Variants in KRAS observed in about 807,000 individuals in gnomAD.
KRAS encodes KRas proto-oncogene, GTPase, also known as GTPase KRas.
Under a neutral mutation model 21.0 loss-of-function variants are expected in KRAS, and 1 was observed. The ratio of observed to expected loss-of-function variants is 0.05; its 90% CI spans 0.02 to 0.23. The LOEUF is 0.23. Ranked by LOEUF, KRAS falls within the 10% of genes least tolerant of loss-of-function variation. The pLI is 1.00. For synonymous variants in KRAS, 67 were observed against 72.5 expected, an observed-to-expected ratio of 0.92 and a Z score of 0.39; for missense variants, 107 against 221.8, an observed-to-expected ratio of 0.48 and a Z score of 3.29.
rs1208279226 is a variant in KRAS, at chr12:25,208,346, G to A, written c.*1449C>T. The A allele has an allele frequency of 4.3e-6, 1 of 232,734 alleles. No individual in the cohort carries two copies. The highest frequency in any genetic ancestry group is 2.2e-5 in the African/African-American group (1 of 45,228). 14.4% of individuals were successfully genotyped at this position (232,734 alleles called of 1,614,324 possible). A position where few individuals can be genotyped will look rare whatever the true frequency, so the allele number is the denominator to read the frequency against. On this transcript the variant is annotated 3_prime_UTR_variant, in exon 5 of 5. Coordinates refer to ENST00000311936, the MANE Select transcript of KRAS (RefSeq NM_004985.5). ...TCTCACTTCATTTATTTTAAAATAA[G>A]TAACATTTTAAATTTATCAAAAGGA...
At chr12:25,234,112 C>T (rs1951513359) in intron 2 of KRAS, 1 of 174,878 alleles carries the variant, frequency 5.7e-6, no homozygotes, top group South Asian at 2.0e-4. Context: ...TTTATCAAGA[C>T]AATGAAGCTG....
At chr12:25,242,970 T>C (rs1555195417) in intron 2 of KRAS, among the ~76,000 whole-genome samples, 2 of 152,152 alleles carry the variant, frequency 1.3e-5, no homozygotes, top group Non-Finnish European at 2.9e-5. Flanking sequence ...CACCAAAAAA[T>C]ACAGTATTAC....
At position 25,250,917 on chromosome 12, in the gene KRAS, G is replaced by T. The variant is rs190218019; in HGVS notation, c.-178C>A. ...CCGCCGCTGCTGCCTCCGCCGCCGC[G>T]GCCGCCGCCTAGGAAAATCGAGCTC... On this transcript the variant is annotated 5_prime_UTR_variant, in exon 1 of 5. Transcript: ENST00000311936. The T allele has an allele frequency of 1.8e-3, 451 of 250,866 alleles. 1 individual carries two copies. Among genetic ancestry groups the T allele is most frequent in the African/African-American group, 9.2e-3 (411 of 44,784 alleles). 15.5% of individuals were successfully genotyped at this position (250,866 alleles called of 1,614,324 possible). A position where few individuals can be genotyped will look rare whatever the true frequency, so the allele number is the denominator to read the frequency against.
rs146105632 is a variant in KRAS, at chr12:25,223,920, G to C, written c.450+1694C>G. Reference sequence around the variant, plus strand: ...TAAACAAATTGATGGAATATAGATGGATCAATTTCTTAGTACAGTCATGTA... The same window carrying C: ...TAAACAAATTGATGGAATATAGATGCATCAATTTCTTAGTACAGTCATGTA... On this transcript the variant is annotated intron_variant, in intron 4 of 4. Coordinates refer to ENST00000311936, the MANE Select transcript of KRAS (RefSeq NM_004985.5). 2.5e-3 allele frequency among the ~76,000 whole-genome samples: 376 copies of C among 152,122 alleles called. 3 individuals carry two copies. Among genetic ancestry groups the C allele is most frequent in the African/African-American group, 8.3e-3 (343 of 41,530 alleles).
rs34361223 is a variant in KRAS at position 25,231,092 on chromosome 12, CTTTTTTTTTTTTTT to C, written c.112-3694_112-3681del. ...CTACCTATTGCTGCCACCTCACATTCTTTTTTTTTTTTTTTTTTTTTTTTTTTGAGATGGAGTCT... is the reference window on the plus strand; with the variant it reads ...CTACCTATTGCTGCCACCTCACATTCTTTTTTTTTTTTTGAGATGGAGTCT... On this transcript the variant is annotated intron_variant, in intron 2 of 4. Transcript: ENST00000311936. Among the ~76,000 whole-genome samples the C allele has an allele frequency of 6.5e-3, 429 of 66,414 alleles. 8 individuals carry two copies. The highest frequency in any genetic ancestry group is 0.023 in the African/African-American group (407 of 17,562). The allele number at this position is 66,414 out of a possible 152,430, so 43.6% of individuals were successfully genotyped here.
At chr12:25,224,749 A>T (rs1365879233) in intron 4 of KRAS, among the ~76,000 whole-genome samples, 1 of 152,116 alleles carries the variant, frequency 6.6e-6, no homozygotes, top group Admixed American at 6.5e-5. Context: ...GGGGCAAGAG[A>T]CTATACTACA....
intron 1 of KRAS, 65 bp downstream of exon 1, chr12:25,250,686 G>A: frequency 6.7e-6 from 1 of 148,676 alleles, no homozygotes; most frequent in East Asian, 1.9e-4. Flanking sequence ...CGCCGGCCCC[G>A]CCCGGCGCCG....
intron 2 of KRAS, among the ~76,000 whole-genome samples, chr12:25,238,571 C>T (rs926970248): frequency 3.3e-5 from 5 of 152,230 alleles, no homozygotes; most frequent in African/African-American, 1.2e-4. Context: ...CGAGTATTTA[C>T]TTTTCCCCCA....
At chr12:25,234,135 T>C (rs1423860841) in intron 2 of KRAS, 1 of 170,908 alleles carries the variant, frequency 5.9e-6, no homozygotes, top group Non-Finnish European at 1.3e-5. Flanking sequence ...AATTTTTAAA[T>C]TACAATATAT....
intron 2 of KRAS, among the ~76,000 whole-genome samples, chr12:25,237,098 A>C (rs572164621): frequency 6.6e-6 from 1 of 152,358 alleles, no homozygotes; most frequent in East Asian, 1.9e-4. Context: ...GCAAAAACAT[A>C]GACGAACTCT....
intron 4 of KRAS, among the ~76,000 whole-genome samples, chr12:25,210,423 C>T (rs1317317200): frequency 6.6e-6 from 1 of 152,062 alleles, no homozygotes; most frequent in Admixed American, 6.5e-5. Context: ...AAACAGTATT[C>T]GAACATCCTA....
intron 2 of KRAS, among the ~76,000 whole-genome samples, chr12:25,232,855 A>G (rs889955626): frequency 6.6e-6 from 1 of 152,360 alleles, no homozygotes; most frequent in Admixed American, 6.5e-5. Context: ...CTGGTGACAT[A>G]ATAAGCACAA....
At chr12:25,217,989 T>C (rs1010180438) in intron 4 of KRAS, among the ~76,000 whole-genome samples, 2 of 152,222 alleles carry the variant, frequency 1.3e-5, no homozygotes, top group African/African-American at 4.8e-5. Context: ...GAAAAAATTA[T>C]GTATCCAAAA....
intron 4 of KRAS, 124 bp downstream of exon 4, chr12:25,225,490 A>G: frequency 9.8e-7 from 1 of 1,021,580 alleles, no homozygotes; most frequent in Non-Finnish European, 1.5e-6. Flanking sequence ...AGAGACAAAA[A>G]CATTTACTAA....
chr12:25,227,488 C>A (rs2141510928), intron 2 of KRAS, 76 bp from the exon 3 acceptor site: 2 of 1,346,306 alleles, frequency 1.5e-6, no homozygotes, highest in Non-Finnish European at 2.1e-6. Context: ...TACAACTCAA[C>A]AACAAAAAAT....
At chr12:25,237,330 G>GTGAA (rs1312466095) in intron 2 of KRAS, among the ~76,000 whole-genome samples, 1 of 152,176 alleles carries the variant, frequency 6.6e-6, no homozygotes, top group Non-Finnish European at 1.5e-5. Context: ...CACAACCCTT[G>GTGAA]TGAATATACT....
chr12:25,249,930 A>T (rs1420530770), intron 1 of KRAS, among the ~76,000 whole-genome samples: 5 of 152,226 alleles, frequency 3.3e-5, no homozygotes, highest in Non-Finnish European at 7.3e-5. Context: ...CAAGCAAAAC[A>T]GACCATCTGG....
chr12:25,233,715 G>C (rs137947343), intron 2 of KRAS: 240 of 210,974 alleles, frequency 1.1e-3, no homozygotes, highest in African/African-American at 5.1e-3. Context: ...ACTCCGTGTT[G>C]GTAGGGCTCA....
chr12:25,235,976 T>C (rs957153637), intron 2 of KRAS, among the ~76,000 whole-genome samples: 2 of 152,122 alleles, frequency 1.3e-5, no homozygotes, highest in African/African-American at 4.8e-5. Flanking sequence ...AATCTAATGC[T>C]GCCGATCTGA....
Sources: allele counts gnomAD v4.1 joint callset (sites outside exome capture counted in the v4.1 genomes callset), GRCh38; gene constraint gnomAD v4.1.1; transcripts MANE v1.5; gene names NCBI Gene and HGNC (gene_info 2026-07-23, HGNC 2026-07-21).